KANK1: variants seen among roughly 807,000 people sequenced by gnomAD.
KANK1 encodes KN motif and ankyrin repeat domain-containing protein 1.
A neutral mutation model predicts 106.2 loss-of-function variants in KANK1; 109 were observed. The ratio of observed to expected loss-of-function variants is 1.03; its 90% CI spans 0.88 to 1.20. The LOEUF (loss-of-function observed/expected upper bound fraction) is 1.20, where lower values mean the gene tolerates loss of function less well. Ranked by LOEUF, KANK1 falls within the 50% of genes most tolerant of loss-of-function variation. KANK1 has a pLI of 0.00. For synonymous variants in KANK1, 873 were observed against 652.2 expected (o/e 1.34, Z -5.16); for missense variants, 2,399 against 1,710.7 (o/e 1.40, Z -7.10).
At chr9:536,477 T>A (rs1587606869) in intron 1 of KANK1, among the ~76,000 whole-genome samples, 2 of 152,188 alleles carry the variant, frequency 1.3e-5, no homozygotes, top group African/African-American at 2.4e-5. Context: ...AGAATCTGTT[T>A]CCTTACTGCT....
At chr9:650,038 T>A (rs1008130089) in intron 1 of KANK1, among the ~76,000 whole-genome samples, 11 of 152,158 alleles carry the variant, frequency 7.2e-5, no homozygotes, top group African/African-American at 9.7e-5. Context: ...CTGCTTGCAA[T>A]CCCCAATATA....
Position 514,217 on chromosome 9 carries a change from TC to T in KANK1, c.-84+9466del, listed in dbSNP as rs2059176572. ...CTTCCTCCCTCCCTCTCTCCCTCCC[TC>T]CCTTCCTCCCTCCCTCCCTCCCTTC... On this transcript the variant is annotated intron_variant, in intron 1 of 11. Transcript: ENST00000382297. Among the ~76,000 whole-genome samples, 2 of 87,400 alleles carry T rather than the reference TC, an allele frequency of 2.3e-5. 1 individual carries two copies. Among genetic ancestry groups the T allele is most frequent in the African/African-American group, 1.8e-4 (2 of 10,864 alleles). 57.3% of individuals were successfully genotyped at this position (87,400 alleles called of 152,430 possible).
At chr9:636,887 G>A (rs62530079) in intron 1 of KANK1, among the ~76,000 whole-genome samples, 35,583 of 151,992 alleles carry the variant, frequency 0.23, 5,077 homozygotes, top group African/African-American at 0.39. Flanking sequence ...AAACAAAACA[G>A]AAACCCTTCC....
chr9:623,765 A>T (rs1286538147), intron 1 of KANK1, among the ~76,000 whole-genome samples: 1 of 152,200 alleles, frequency 6.6e-6, no homozygotes, highest in Non-Finnish European at 1.5e-5. Flanking sequence ...AAGGATATGG[A>T]GGAAAGGGAA....
intron 1 of KANK1, among the ~76,000 whole-genome samples, chr9:581,107 C>T (rs940531311): frequency 2.0e-5 from 3 of 152,176 alleles, no homozygotes; most frequent in Non-Finnish European, 2.9e-5. Context: ...ACCCAGAACT[C>T]CTGGCCCGCG....
intron 2 of KANK1, among the ~76,000 whole-genome samples, chr9:678,035 G>T (rs1248178354): frequency 6.6e-6 from 1 of 152,156 alleles, no homozygotes; most frequent in Non-Finnish European, 1.5e-5. Context: ...CCTCTAAAGT[G>T]GGCATTCCCA....
chr9:676,571 T>C lies in KANK1; in HGVS notation c.-83-319T>C, dbSNP rs9407353. Among the ~76,000 whole-genome samples, 27,145 of 152,248 alleles carry C rather than the reference T, an allele frequency of 0.18. 2,943 individuals carry two copies. The highest frequency in any genetic ancestry group is 0.33 in the East Asian group (1,687 of 5,182). ...ATGCTTAAAAACCAAAAATATTTCG[T>C]AGAGTGCTACACATTAGGAAGTCAT... On this transcript the variant is annotated intron_variant, in intron 1 of 11. Coordinates refer to ENST00000382297, the MANE Select transcript of KANK1 (RefSeq NM_015158.5).
chr9:516,443 A>G (rs2059281403), intron 1 of KANK1, among the ~76,000 whole-genome samples: 1 of 151,626 alleles, frequency 6.6e-6, no homozygotes, highest in African/African-American at 2.4e-5. Flanking sequence ...AAAGTTGTAT[A>G]TTATTTTTCC....
In KANK1 at chr9:712,310, T is replaced by C; in HGVS notation, c.1544T>C (p.Val515Ala). Residue 515 changes from valine to alanine, a missense_variant, in exon 3 of 12, where the codon GTG (valine) becomes GCG (alanine). Transcript: ENST00000382297. Reference protein sequence around the residue: ...TMAQPLVFSKVVEAVVQTRDQ... With the variant: ...TMAQPLVFSKAVEAVVQTRDQ... ...GCCCAGCCGCTTGTTTTCAGTAAGGTGGTGGAGGCAGTGGTGCAGACCAGA... is the reference window on the plus strand; with the variant it reads ...GCCCAGCCGCTTGTTTTCAGTAAGGCGGTGGAGGCAGTGGTGCAGACCAGA... 1 of 1,614,016 alleles carries C rather than the reference T, an allele frequency of 6.2e-7. No homozygotes were observed. The highest frequency in any genetic ancestry group is 8.5e-7 in the Non-Finnish European group (1 of 1,180,008).
At chr9:632,303 G>A (rs1027910295) in intron 1 of KANK1, among the ~76,000 whole-genome samples, 1 of 152,106 alleles carries the variant, frequency 6.6e-6, no homozygotes, top group Non-Finnish European at 1.5e-5. Context: ...TACATCTACA[G>A]CATGTAATTA....
chr9:676,045 A>G (rs146863467), intron 1 of KANK1, among the ~76,000 whole-genome samples: 1 of 152,260 alleles, frequency 6.6e-6, no homozygotes, highest in East Asian at 1.9e-4. Flanking sequence ...GCATATAATG[A>G]GCAGTGAGAA....
chr9:593,451 T>C (rs1588094889), intron 1 of KANK1, among the ~76,000 whole-genome samples: 1 of 140,704 alleles, frequency 7.1e-6, no homozygotes, highest in East Asian at 2.2e-4. Context: ...CTTTATACAT[T>C]CCCCCCCCCC....
At chr9:629,741 A>G (rs927439584) in intron 1 of KANK1, among the ~76,000 whole-genome samples, 2 of 152,196 alleles carry the variant, frequency 1.3e-5, no homozygotes, top group African/African-American at 2.4e-5. Context: ...AACACCTTGT[A>G]TACGTATGTA....
intron 3 of KANK1, among the ~76,000 whole-genome samples, chr9:475,393 C>T (rs1022952621): frequency 2.0e-5 from 3 of 152,230 alleles, no homozygotes; most frequent in Non-Finnish European, 4.4e-5. Flanking sequence ...TGTAAGACCG[C>T]AAGTCAAAGG....
rs570475101 is a variant in KANK1, at chr9:497,577, A to G, written c.-362+24304A>G. Among the ~76,000 whole-genome samples the G allele has an allele frequency of 2.0e-5, 3 of 152,282 alleles. No individual in the cohort carries two copies. In the South Asian group the frequency reaches 6.2e-4, roughly 32 times the overall value. On this transcript the variant is annotated intron_variant, in intron 3 of 15. Coordinates refer to the KANK1 transcript ENST00000382303. ...TTAATTATAACTGTAGTATATAACCATTTTTTTAAATGAAATTAAGGAGAG... is the reference window on the plus strand; with the variant it reads ...TTAATTATAACTGTAGTATATAACCGTTTTTTTAAATGAAATTAAGGAGAG...
At chr9:713,959 C>T (rs1201378378) in intron 3 of KANK1, among the ~76,000 whole-genome samples, 1 of 152,110 alleles carries the variant, frequency 6.6e-6, no homozygotes, top group East Asian at 1.9e-4. Flanking sequence ...TGAATTTGAG[C>T]CAGGTGCAAT....
intron 1 of KANK1, among the ~76,000 whole-genome samples, chr9:662,051 A>T (rs951905770): frequency 3.9e-5 from 6 of 152,180 alleles, no homozygotes; most frequent in Non-Finnish European, 4.4e-5. Context: ...GTAGAAGCCA[A>T]ATGATGAGTG....
At chr9:693,856 T>C (rs754688572) in intron 2 of KANK1, 8 of 959,440 alleles carry the variant, frequency 8.3e-6, no homozygotes, top group African/African-American at 5.3e-5. Flanking sequence ...TGGTGAAATA[T>C]AAACTCGAGC....
chr9:520,371 C>T (rs1172651295), intron 1 of KANK1, among the ~76,000 whole-genome samples: 1 of 151,342 alleles, frequency 6.6e-6, no homozygotes, highest in Admixed American at 6.6e-5. Flanking sequence ...AAGGAAGTGA[C>T]CAGTTCATTC....
Sources: allele counts gnomAD v4.1 joint callset (sites outside exome capture counted in the v4.1 genomes callset), GRCh38; gene constraint gnomAD v4.1.1; transcripts MANE v1.5; gene names NCBI Gene and HGNC (gene_info 2026-07-23, HGNC 2026-07-21).